The following CDH7 variants were observed in gnomAD, a reference collection of about 807,000 sequenced individuals.
CDH7 encodes the protein cadherin 7, also known as cadherin-7.
CDH7 carries 25 observed loss-of-function variants against 71.8 expected under a neutral mutation model. That is an observed-to-expected ratio of 0.35 (90% CI 0.25 to 0.49). The LOEUF (loss-of-function observed/expected upper bound fraction) is 0.49. CDH7 is among the 20% of genes least tolerant of loss of function. CDH7 has a pLI of 0.99. For synonymous variants in CDH7, 381 were observed against 363.8 expected (o/e 1.05, Z -0.54); for missense variants, 862 against 974.6 (o/e 0.88, Z 1.54).
chr18:65,861,790 G>A (rs1336214538), intron 10 of CDH7, among the ~76,000 whole-genome samples: 1 of 151,972 alleles, frequency 6.6e-6, no homozygotes, highest in East Asian at 1.9e-4. Flanking sequence ...TGACAGTTTG[G>A]AAGAGAGAAA....
rs1267529871 is a variant in CDH7, at chr18:65,888,865, A to G, written c.*7971A>G. 2 of 152,176 alleles carry G rather than the reference A, an allele frequency of 1.3e-5. No homozygotes were observed. The highest frequency in any genetic ancestry group is 1.3e-4 in the Admixed American group (2 of 15,276). The allele number at this position is 152,176 out of a possible 1,614,324, so 9.4% of individuals were successfully genotyped here. On this transcript the variant is annotated 3_prime_UTR_variant, in exon 12 of 12. Coordinates refer to ENST00000397968, the MANE Select transcript of CDH7 (RefSeq NM_004361.5). ...ATCTTTTTATTAAGACTGTCAATAA[A>G]TGATGGTTTGGTTTAAGAGGATAAG...
At chr18:65,763,151 T>C (rs1314783700) in intron 2 of CDH7, 99 bp downstream of exon 2, 2 of 642,340 alleles carry the variant, frequency 3.1e-6, no homozygotes, top group East Asian at 6.5e-5. Flanking sequence ...TTTTTTGCTA[T>C]GGGGATGGTA....
rs913003807 is a variant in CDH7 at position 65,884,472 on chromosome 18, A to G, written c.*3578A>G. On this transcript the variant is annotated 3_prime_UTR_variant, in exon 12 of 12. Transcript: ENST00000397968. ...TACATGCAGGAGGTAGTAGTGGTTAAGTAATGGTAGCTGCCTTTTCACTCT... is the reference window on the plus strand; with the variant it reads ...TACATGCAGGAGGTAGTAGTGGTTAGGTAATGGTAGCTGCCTTTTCACTCT... 6.6e-6 allele frequency: 1 copy of G among 152,152 alleles called. No homozygotes were observed. Among genetic ancestry groups the G allele is most frequent in the African/African-American group, 2.4e-5 (1 of 41,436 alleles). 9.4% of individuals were successfully genotyped at this position (152,152 alleles called of 1,614,324 possible). A position where few individuals can be genotyped will look rare whatever the true frequency, so the allele number is the denominator to read the frequency against.
chr18:65,883,127 T>C lies in CDH7; in HGVS notation c.*2233T>C, dbSNP rs1225383005. ...GATAGATTGGAAAAAGAAAGGTTCATGTTTAAATAATAATTTAAAATTATT... is the reference window on the plus strand; with the variant it reads ...GATAGATTGGAAAAAGAAAGGTTCACGTTTAAATAATAATTTAAAATTATT... On this transcript the variant is annotated 3_prime_UTR_variant, in exon 12 of 12. Transcript: ENST00000397968. The C allele has an allele frequency of 6.6e-6, 1 of 152,100 alleles. No homozygotes were observed. Among genetic ancestry groups the C allele is most frequent in the Non-Finnish European group, 1.5e-5 (1 of 67,960 alleles). The allele number at this position is 152,100 out of a possible 1,614,324, so 9.4% of individuals were successfully genotyped here.
At chr18:65,864,889 T>TAAAAA (rs1191269381) in intron 11 of CDH7, among the ~76,000 whole-genome samples, 1 of 85,928 alleles carries the variant, frequency 1.2e-5, no homozygotes, top group Non-Finnish European at 2.2e-5. Flanking sequence ...AGACTCCATC[T>TAAAAA]AAAAAAAAAA....
At chr18:65,803,868 A>G (rs1911214171) in intron 2 of CDH7, 1 of 151,300 alleles carries the variant, frequency 6.6e-6, no homozygotes, top group Non-Finnish European at 1.5e-5. Context: ...TAAAAAAAAA[A>G]AAAGAACACA....
intron 4 of CDH7, among the ~76,000 whole-genome samples, chr18:65,815,772 T>C (rs1458424907): frequency 2.0e-5 from 3 of 152,212 alleles, no homozygotes; most frequent in African/African-American, 7.2e-5. Context: ...ATTTATGATA[T>C]GAATCCTGTG....
intron 2 of CDH7, among the ~76,000 whole-genome samples, chr18:65,773,059 T>C (rs558636302): frequency 6.6e-6 from 1 of 152,294 alleles, no homozygotes; most frequent in South Asian, 2.1e-4. Flanking sequence ...TTTCAGTTTT[T>C]TACTTCACTT....
intron 1 of CDH7, among the ~76,000 whole-genome samples, chr18:65,756,248 A>T (rs991266002): frequency 6.6e-6 from 1 of 152,138 alleles, no homozygotes; most frequent in Non-Finnish European, 1.5e-5. Context: ...TATTATTCCA[A>T]CTGTGATGTC....
chr18:65,876,828 A>G (rs1914087308), intron 11 of CDH7, among the ~76,000 whole-genome samples: 1 of 152,230 alleles, frequency 6.6e-6, no homozygotes, highest in African/African-American at 2.4e-5. Context: ...CCTAATGCAT[A>G]TAATAAATTG....
rs769221870 is a variant in CDH7, at chr18:65,857,904, C to G, written c.1324C>G (p.Arg442Gly). 1.1e-5 allele frequency: 18 copies of G among 1,613,420 alleles called. No individual in the cohort carries two copies. Among genetic ancestry groups the G allele is most frequent in the Non-Finnish European group, 1.5e-5 (18 of 1,179,688 alleles). ...CATCACAACTGCCAAGTCTTTGGAT[C>G]GAGAGACAAATGCTATTCACAATAT... is the stretch of plus-strand genomic sequence containing the variant. ...GVITTAKSLD[R>G]ETNAIHNITV... is the part of the protein sequence containing the mutation. Residue 442 changes from arginine (R) to glycine (G), a missense_variant, in exon 8 of 12, where the codon CGA becomes GGA. Physicochemically the swap from Arg to Gly is moderately radical, Grantham distance 125 (BLOSUM62 -2). Coordinates refer to ENST00000397968, the MANE Select transcript of CDH7 (RefSeq NM_004361.5).
Position 65,843,945 on chromosome 18 carries a change from A to T in CDH7, c.1115A>T (p.Asp372Val). 1 of 1,612,084 alleles carries T rather than the reference A, an allele frequency of 6.2e-7. No homozygotes were observed. The highest frequency in any genetic ancestry group is 8.5e-7 in the Non-Finnish European group (1 of 1,178,862). The stretch of plus-strand genomic sequence containing the variant: ...GTGAAGATAATTGTGGAAGATGTAG[A>T]TGAGCCCCCTGTGTTCTCTTCACCC... ...TTVKIIVEDV[D>V]EPPVFSSPLY... The change falls in exon 7 of 12, where the codon GAT (aspartate) becomes GTT (valine). Residue 372 changes from aspartate to valine, a missense_variant. By Grantham distance (152) the Asp-to-Val change is radical. Coordinates refer to ENST00000397968, the MANE Select transcript of CDH7 (RefSeq NM_004361.5).
At chr18:65,803,238 C>T (rs1342688677) in intron 2 of CDH7, 2 of 152,004 alleles carry the variant, frequency 1.3e-5, no homozygotes, top group African/African-American at 4.8e-5. Context: ...CCAATTGGGC[C>T]ACTCTGCCTC....
chr18:65,793,494 CA>C (rs1362794516), intron 2 of CDH7, among the ~76,000 whole-genome samples: 1 of 151,244 alleles, frequency 6.6e-6, no homozygotes, highest in Non-Finnish European at 1.5e-5. Context: ...TATTTTATTA[CA>C]AAACAGAAAT....
intron 11 of CDH7, among the ~76,000 whole-genome samples, chr18:65,872,648 C>A (rs763582271): frequency 6.6e-6 from 1 of 152,094 alleles, no homozygotes; most frequent in Admixed American, 6.6e-5. Context: ...GTAATCCCAG[C>A]AGTTTGGGAG....
chr18:65,765,594 C>G (rs1462636376), intron 2 of CDH7, among the ~76,000 whole-genome samples: 1 of 151,674 alleles, frequency 6.6e-6, no homozygotes, highest in Non-Finnish European at 1.5e-5. Context: ...AAAAAAGAAC[C>G]TAATTAATCA....
intron 4 of CDH7, among the ~76,000 whole-genome samples, chr18:65,818,177 C>G (rs984540587): frequency 6.6e-6 from 1 of 152,158 alleles, no homozygotes; most frequent in East Asian, 1.9e-4. Context: ...GATACACACA[C>G]CTAAGAATGT....
At chr18:65,790,512 C>T (rs1019959037) in intron 2 of CDH7, among the ~76,000 whole-genome samples, 3 of 152,014 alleles carry the variant, frequency 2.0e-5, no homozygotes, top group Non-Finnish European at 4.4e-5. Flanking sequence ...CCCAAGTAGT[C>T]AGGAATACTA....
intron 6 of CDH7, among the ~76,000 whole-genome samples, chr18:65,829,516 T>G (rs115071013): frequency 0.032 from 4,873 of 151,060 alleles, 124 homozygotes; most frequent in African/African-American, 0.066. Context: ...TTGCCAGATA[T>G]GTATTTCACT....
Sources: allele counts gnomAD v4.1 joint callset (sites outside exome capture counted in the v4.1 genomes callset), GRCh38; gene constraint gnomAD v4.1.1; transcripts MANE v1.5; gene names NCBI Gene and HGNC (gene_info 2026-07-23, HGNC 2026-07-21).